The following ARHGAP6 variants were observed in gnomAD, a reference collection of about 807,000 sequenced individuals.
ARHGAP6 encodes rho GTPase-activating protein 6.
ARHGAP6 carries 16 observed loss-of-function variants against 55.7 expected under a neutral mutation model. The observed-to-expected ratio is 0.29, with a 90% confidence interval of 0.19 to 0.44. The LOEUF (loss-of-function observed/expected upper bound fraction) is 0.44. Ranked by LOEUF, ARHGAP6 falls within the 20% of genes least tolerant of loss-of-function variation. The pLI is 1.00. For missense variants in ARHGAP6, 698 were observed against 808.9 expected, an observed-to-expected ratio of 0.86 and a Z score of 1.66; for synonymous variants, 382 against 360.9, an observed-to-expected ratio of 1.06 and a Z score of -0.66.
intron 1 of ARHGAP6, among the ~76,000 whole-genome samples, chrX:11,588,165 T>A (rs529740890): frequency 1.6e-4 from 18 of 112,203 alleles, no homozygotes; most frequent in African/African-American, 4.5e-4. Flanking sequence ...TAGACATTCT[T>A]AAAGGAATCT....
At chrX:11,578,604 T>C (rs1229653844) in intron 1 of ARHGAP6, among the ~76,000 whole-genome samples, 1 of 112,121 alleles carries the variant, frequency 8.9e-6, no homozygotes, top group Non-Finnish European at 1.9e-5. Context: ...AGTTCAACCA[T>C]TGTGGAAGAC....
chrX:11,175,030 ATT>A (rs1308586794), intron 8 of ARHGAP6, among the ~76,000 whole-genome samples: 7 of 111,251 alleles, frequency 6.3e-5, no homozygotes, highest in Non-Finnish European at 1.3e-4. Context: ...TATAATAGGA[ATT>A]GCTGTTGTCC....
At chrX:11,408,341 A>G (rs1259119487) in intron 1 of ARHGAP6, among the ~76,000 whole-genome samples, 2 of 111,426 alleles carry the variant, frequency 1.8e-5, no homozygotes, top group Admixed American at 9.5e-5. Flanking sequence ...CGGGTGAACT[A>G]CAATATTGGT....
intron 1 of ARHGAP6, among the ~76,000 whole-genome samples, chrX:11,609,526 G>C (rs759974127): frequency 8.9e-6 from 1 of 111,826 alleles, no homozygotes; most frequent in Non-Finnish European, 1.9e-5. Context: ...GCAAGCTCCT[G>C]GGATGCCAGA....
intron 1 of ARHGAP6, among the ~76,000 whole-genome samples, chrX:11,303,431 G>C (rs1286262020): frequency 1.8e-5 from 2 of 111,886 alleles, no homozygotes; most frequent in African/African-American, 3.3e-5. Context: ...GATTTGAAGA[G>C]AGAAGAAAGG....
intron 1 of ARHGAP6, among the ~76,000 whole-genome samples, chrX:11,265,470 T>C (rs1285561377): frequency 1.8e-5 from 2 of 111,938 alleles, no homozygotes; most frequent in East Asian, 5.6e-4. Flanking sequence ...CTTTCCTGCT[T>C]GAGTTTGCTC....
At chrX:11,298,993 A>G in intron 1 of ARHGAP6, 3 of 1,204,479 alleles carry the variant, frequency 2.5e-6, no homozygotes, top group Admixed American at 2.2e-5. Flanking sequence ...TTTTGAAGCC[A>G]CTACAATGCA....
chrX:11,224,323 AAGG>A (rs1372826380), intron 2 of ARHGAP6: 1 of 435,702 alleles, frequency 2.3e-6, no homozygotes, highest in Admixed American at 5.6e-5. Context: ...AAGAGAGAAG[AAGG>A]AGAAGAACTA....
At position 11,542,932 on chromosome X, in the gene ARHGAP6, G is replaced by A. The variant is rs187410768; in HGVS notation, c.588+121309C>T. On this transcript the variant is annotated intron_variant, in intron 1 of 12. Transcript: ENST00000337414. Reference sequence around the variant, plus strand: ...AGAGCAAACCAAAATATCAGCTAGCGCACATTAATCTACATAGCAACCACC... The same window carrying A: ...AGAGCAAACCAAAATATCAGCTAGCACACATTAATCTACATAGCAACCACC... 2.2e-4 allele frequency among the ~76,000 whole-genome samples: 24 copies of A among 111,185 alleles called. No homozygotes were observed. The South Asian group carries it at 5.1e-3, about 23-fold the overall frequency.
At chrX:11,590,865 A>AGAAG (rs752345048) in intron 1 of ARHGAP6, among the ~76,000 whole-genome samples, 4 of 52,856 alleles carry the variant, frequency 7.6e-5, no homozygotes, top group Non-Finnish European at 1.4e-4. Context: ...AGAAAAGAAA[A>AGAAG]GAAGGAAAGA....
chrX:11,400,040 A>G (rs922676631), intron 1 of ARHGAP6, among the ~76,000 whole-genome samples: 1 of 111,964 alleles, frequency 8.9e-6, no homozygotes, highest in Non-Finnish European at 1.9e-5. Context: ...TGGGGACAGA[A>G]AGTAATTAGT....
At chrX:11,297,038 C>G (rs1258640837) in intron 1 of ARHGAP6, among the ~76,000 whole-genome samples, 3 of 111,619 alleles carry the variant, frequency 2.7e-5, no homozygotes, top group African/African-American at 9.8e-5. Flanking sequence ...CTGACTCAGT[C>G]TGTCCTCCTA....
chrX:11,200,390 A>C (rs961647278), intron 2 of ARHGAP6, among the ~76,000 whole-genome samples: 2 of 112,294 alleles, frequency 1.8e-5, no homozygotes, highest in African/African-American at 6.5e-5. Flanking sequence ...GACCTCACAG[A>C]CACCTGTGAC....
At chrX:11,245,830 C>T (rs2047345167) in intron 2 of ARHGAP6, among the ~76,000 whole-genome samples, 1 of 112,046 alleles carries the variant, frequency 8.9e-6, no homozygotes, top group African/African-American at 3.2e-5. Flanking sequence ...AATCTGCAAC[C>T]TGCTGTTCTA....
intron 8 of ARHGAP6, among the ~76,000 whole-genome samples, chrX:11,172,244 A>G (rs1240562916): frequency 8.9e-6 from 1 of 111,796 alleles, no homozygotes; most frequent in Admixed American, 9.5e-5. Flanking sequence ...CCTCCAAGGG[A>G]TATCATTTCA....
At chrX:11,358,453 C>A (rs1312648117) in intron 1 of ARHGAP6, among the ~76,000 whole-genome samples, 5 of 87,641 alleles carry the variant, frequency 5.7e-5, no homozygotes, top group African/African-American at 1.8e-4. Context: ...TTCTTTCTTT[C>A]TTTCTTTCTT....
At chrX:11,222,012 T>G (rs913881882) in intron 2 of ARHGAP6, among the ~76,000 whole-genome samples, 5 of 111,525 alleles carry the variant, frequency 4.5e-5, no homozygotes, top group Admixed American at 1.9e-4. Context: ...AGCTTTCTGA[T>G]TTTGTTTTCT....
chrX:11,581,131 A>G lies in ARHGAP6; in HGVS notation c.588+83110T>C, dbSNP rs1221333916. Among the ~76,000 whole-genome samples, 23 of 112,674 alleles carry G rather than the reference A, an allele frequency of 2.0e-4. No individual in the cohort carries two copies. In the Admixed American group the frequency reaches 2.1e-3, roughly 10 times the overall value. On this transcript the variant is annotated intron_variant, in intron 1 of 12. Transcript: ENST00000337414. ...AAAAATGGGCAACAGATTTGAATAG[A>G]TATTTTCCCAAAGAAGATGTACAAA... is the stretch of plus-strand genomic sequence containing the variant.
chrX:11,243,916 A>G (rs1301671322), intron 2 of ARHGAP6, among the ~76,000 whole-genome samples: 1 of 112,091 alleles, frequency 8.9e-6, no homozygotes, highest in Non-Finnish European at 1.9e-5. Flanking sequence ...CTAGGTGTGT[A>G]GTAGGCTATG....
Sources: allele counts gnomAD v4.1 joint callset (sites outside exome capture counted in the v4.1 genomes callset), GRCh38; gene constraint gnomAD v4.1.1; transcripts MANE v1.5; gene names NCBI Gene and HGNC (gene_info 2026-07-23, HGNC 2026-07-21).